Variants in LAMC2 observed in about 807,000 individuals in gnomAD.
LAMC2 encodes laminin subunit gamma 2, also known as laminin subunit gamma-2.
LAMC2 carries 97 observed loss-of-function variants against 140.2 expected under a neutral mutation model. The observed-to-expected ratio is 0.69, with a 90% CI of 0.59 to 0.82. The LOEUF is 0.82. LAMC2 is among the 40% of genes least tolerant of loss of function. The pLI, the probability that LAMC2 is intolerant of heterozygous loss-of-function variation, is 0.00. For synonymous variants in LAMC2, 513 were observed against 540.2 expected (o/e 0.95, Z 0.70); for missense variants, 1,402 against 1,476.1 (o/e 0.95, Z 0.82).
At chr1:183,221,996 C>A in intron 5 of LAMC2, 93 bp from the exon 6 acceptor site, 1 of 1,491,990 alleles carries the variant, frequency 6.7e-7, no homozygotes, top group Non-Finnish European at 9.4e-7. Context: ...TTCTACTCAC[C>A]ACTAGGACTT....
chr1:183,231,928 T>C (rs1659811579), intron 12 of LAMC2, among the ~76,000 whole-genome samples: 1 of 152,220 alleles, frequency 6.6e-6, no homozygotes, highest in Admixed American at 6.5e-5. Flanking sequence ...GTAATAACTT[T>C]AGGAGACACT....
chr1:183,208,142 G>T (rs757537828), intron 2 of LAMC2, 73 bp downstream of exon 2: 160 of 1,347,694 alleles, frequency 1.2e-4, no homozygotes, highest in Non-Finnish European at 1.6e-4. Flanking sequence ...AAGGAAGGAG[G>T]AAAAGAAGAA....
At position 183,236,623 on chromosome 1, in the gene LAMC2, T is replaced by A. The variant is rs1170545511; in HGVS notation, c.2601+19T>A. 6.2e-7 allele frequency: 1 copy of A among 1,613,832 alleles called. No individual in the cohort carries two copies. The highest frequency in any genetic ancestry group is 8.5e-7 in the Non-Finnish European group (1 of 1,179,868). On this transcript the variant is annotated intron_variant, in intron 17 of 22. Coordinates refer to ENST00000264144, the MANE Select transcript of LAMC2 (RefSeq NM_005562.3). ...CTTTCAGGTGAGGGCATCTGGCCTG[T>A]GTGCTTGATATACAGGAGGGCCATA...
chr1:183,207,986 G>C lies in LAMC2; in HGVS notation c.185G>C (p.Gly62Ala). The C allele has an allele frequency of 6.2e-7, 1 of 1,614,022 alleles. No homozygotes were observed. The highest frequency in any genetic ancestry group is 1.3e-5 in the African/African-American group (1 of 75,014). The change falls in exon 2 of 23, where the codon GGC becomes GCC. Residue 62 changes from glycine (G) to alanine (A), a missense_variant. Physicochemically the swap from Gly to Ala is moderately conservative, Grantham distance 60. Transcript: ENST00000264144. Reference sequence around the variant, plus strand: ...CTCAACTGCAATGACAACACTGATGGCATTCACTGCGAGAAGTGCAAGAAT... The same window carrying C: ...CTCAACTGCAATGACAACACTGATGCCATTCACTGCGAGAAGTGCAAGAAT... ...RCLNCNDNTD[G>A]IHCEKCKNGF... is the part of the protein sequence containing the mutation.
At chr1:183,192,207 C>T (rs187666179) in intron 1 of LAMC2, among the ~76,000 whole-genome samples, 240 of 152,260 alleles carry the variant, frequency 1.6e-3, no homozygotes, top group Admixed American at 0.012. Flanking sequence ...GATCAATTGG[C>T]CAAACGTATA....
intron 14 of LAMC2, among the ~76,000 whole-genome samples, chr1:183,233,375 T>G (rs939748248): frequency 6.6e-6 from 1 of 152,006 alleles, no homozygotes; most frequent in Non-Finnish European, 1.5e-5. Flanking sequence ...GTTTTGAAAA[T>G]GGGAAAAAAA....
rs757344865 is a variant in LAMC2, at chr1:183,231,005, A to G, written c.1759A>G (p.Ser587Gly). 1.2e-6 allele frequency: 2 copies of G among 1,614,156 alleles called. No homozygotes were observed. The highest frequency in any genetic ancestry group is 2.2e-5 in the South Asian group (2 of 91,082). The change falls in exon 12 of 23, where the codon AGT (serine) becomes GGT (glycine). Residue 587 changes from serine to glycine, a missense_variant. By Grantham distance (56) the Ser-to-Gly change is moderately conservative. Around this residue, in one of 3 missense-constraint regions of LAMC2, gnomAD observed 723 missense variants for 783.3 expected, o/e 0.92. Transcript: ENST00000264144. ...PMGSEPVGCR[S>G]DGTCVCKPGF... Reference sequence around the variant, plus strand: ...GGGCTCAGAGCCTGTAGGATGTCGAAGTGATGGCACCTGTGTTTGCAAGCC... The same window carrying G: ...GGGCTCAGAGCCTGTAGGATGTCGAGGTGATGGCACCTGTGTTTGCAAGCC...
intron 5 of LAMC2, 129 bp downstream of exon 5, chr1:183,221,090 T>C: frequency 1.1e-6 from 1 of 926,096 alleles, no homozygotes; most frequent in Non-Finnish European, 1.7e-6. Flanking sequence ...GAATGTACAT[T>C]ATTTTGTCAG....
downstream of LAMC2, chr1:183,249,758 G>C (rs1454952747): frequency 6.6e-6 from 1 of 150,730 alleles, no homozygotes; most frequent in East Asian, 2.0e-4. Context: ...TGCGGCGATG[G>C]GAATGGATGA....
intron 4 of LAMC2, among the ~76,000 whole-genome samples, chr1:183,220,619 T>C (rs1027687051): frequency 2.6e-5 from 4 of 151,980 alleles, no homozygotes; most frequent in African/African-American, 4.8e-5. Context: ...AGTGAATGTT[T>C]CTTATGCCGT....
intron 15 of LAMC2, among the ~76,000 whole-genome samples, 156 bp downstream of exon 15, chr1:183,234,602 G>A (rs1659896890): frequency 6.6e-6 from 1 of 152,274 alleles, no homozygotes; most frequent in East Asian, 1.9e-4. Context: ...TAACCACTTG[G>A]CTTTTATTGT....
chr1:183,214,575 A>G (rs1659192673), intron 2 of LAMC2, among the ~76,000 whole-genome samples: 1 of 152,158 alleles, frequency 6.6e-6, no homozygotes, highest in South Asian at 2.1e-4. Flanking sequence ...AGATCATGAT[A>G]TGAAGTTGGC....
the LAMC2 span, among the ~76,000 whole-genome samples, chr1:183,256,763 T>C: frequency 6.6e-6 from 1 of 152,172 alleles, no homozygotes; most frequent in Non-Finnish European, 1.5e-5. Flanking sequence ...AGTTTTCTTT[T>C]CTTGTGGTGT....
At position 183,223,176 on chromosome 1, in the gene LAMC2, C is replaced by G; in HGVS notation, c.805C>G (p.Leu269Val). 1 of 1,614,178 alleles carries G rather than the reference C, an allele frequency of 6.2e-7. No homozygotes were observed. Among genetic ancestry groups the G allele is most frequent in the Non-Finnish European group, 8.5e-7 (1 of 1,180,026 alleles). ...TCAACAGGTGAGCTATGGTCAAAGC[C>G]TGTCCTTTGACTACCGTGTGGACAG... is the stretch of plus-strand genomic sequence containing the variant. ...GNQQVSYGQS[L>V]SFDYRVDRGG... Residue 269 changes from leucine (L) to valine (V), a missense_variant, in exon 7 of 23, where the codon CTG (leucine) becomes GTG (valine). By Grantham distance (32) the Leu-to-Val change is conservative (BLOSUM62 1). Around this residue, in one of 3 missense-constraint regions of LAMC2, gnomAD observed 723 missense variants for 783.3 expected, o/e 0.92. Transcript: ENST00000264144.
In LAMC2 at chr1:183,243,170, G is replaced by A. The variant is rs540905658; in HGVS notation, c.3352G>A (p.Glu1118Lys). 6.8e-6 allele frequency: 11 copies of A among 1,606,980 alleles called. No homozygotes were observed. In the East Asian group the frequency reaches 2.5e-4, roughly 36 times the overall value. ...LMDQPLSVDEEGLVLLEQKLS... is the reference protein window; with the variant it reads ...LMDQPLSVDEKGLVLLEQKLS... ...AGACCAGCCTCTCAGTGTAGATGAA[G>A]AGGGGCTGGTCTTACTGGAGCAGAA... The change falls in exon 23 of 23, where the codon GAG becomes AAG. Residue 1118 changes from glutamate to lysine, a missense_variant. By Grantham distance (56) the Glu-to-Lys change is moderately conservative (BLOSUM62 1). Transcript: ENST00000264144.
chr1:183,230,432 C>A (rs1279335781), intron 11 of LAMC2, among the ~76,000 whole-genome samples: 1 of 152,174 alleles, frequency 6.6e-6, no homozygotes, highest in African/African-American at 2.4e-5. Context: ...TATAACAGAA[C>A]CTGGCTTAAT....
At chr1:183,220,753 C>T (rs1659441504) in intron 4 of LAMC2, 72 bp from the exon 5 acceptor site, 3 of 1,436,368 alleles carry the variant, frequency 2.1e-6, no homozygotes, top group African/African-American at 1.4e-5. Flanking sequence ...GAGAGGCTGA[C>T]TCATTCATCA....
chr1:183,214,288 G>A (rs1659180373), intron 2 of LAMC2, among the ~76,000 whole-genome samples: 1 of 152,156 alleles, frequency 6.6e-6, no homozygotes, highest in South Asian at 2.1e-4. Context: ...ATCATCCTAA[G>A]TCAAGTAGGG....
Position 183,234,454 on chromosome 1 carries a change from G to A in LAMC2, c.2300+8G>A, listed in dbSNP as rs1431923581. On this transcript the variant is annotated splice_region_variant and intron_variant, in intron 15 of 22. Transcript: ENST00000264144. ...CACAAGATTAGCAGAAAGGTGAGCA[G>A]CATTAGAGGGCACCTCTGCTTCAAG... 2 of 1,608,474 alleles carry A rather than the reference G, an allele frequency of 1.2e-6. No homozygotes were observed. The highest frequency in any genetic ancestry group is 2.2e-5 in the East Asian group (1 of 44,862).
Sources: allele counts gnomAD v4.1 joint callset (sites outside exome capture counted in the v4.1 genomes callset), GRCh38; gene constraint gnomAD v4.1.1; regional missense constraint gnomAD v4.1.1; transcripts MANE v1.5; gene names NCBI Gene and HGNC (gene_info 2026-07-23, HGNC 2026-07-21).